PIEZO1: variants seen among roughly 807,000 people sequenced by gnomAD.
PIEZO1 encodes piezo type mechanosensitive ion channel component 1 (Er blood group).
PIEZO1 carries 296 observed loss-of-function variants against 297.2 expected under a neutral mutation model. The observed-to-expected ratio is 1.00, with a 90% confidence interval of 0.91 to 1.10. The LOEUF (loss-of-function observed/expected upper bound fraction) is 1.10. Among genes scored for constraint, PIEZO1 ranks in the 50% least tolerant of loss-of-function variants. The pLI, the probability that PIEZO1 is intolerant of heterozygous loss-of-function variation, is 0.00. For missense variants in PIEZO1, 5,018 were observed against 3,455.5 expected, an observed-to-expected ratio of 1.45 and a Z score of -11.34; for synonymous variants, 2,427 against 1,507.5, an observed-to-expected ratio of 1.61 and a Z score of -14.13.
At chr16:88,784,806 G>T in intron 1 of PIEZO1, 95 bp downstream of exon 1, 1 of 916,432 alleles carries the variant, frequency 1.1e-6, no homozygotes, top group Non-Finnish European at 1.5e-6. Flanking sequence ...CTCGCCCGCA[G>T]CCCTCGCCCC....
rs1188068265 is a variant in PIEZO1, at chr16:88,722,848, C to T, written c.4657G>A (p.Glu1553Lys). ...LRAERYLLTQ[E>K]LLQGGEVHRG... ...ACGGGCAGGCTCACCTGCAGGAGCTCCTGTGTGAGGAGGTAGCGCTCTGCC... is the reference window on the plus strand; with the variant it reads ...ACGGGCAGGCTCACCTGCAGGAGCTTCTGTGTGAGGAGGTAGCGCTCTGCC... Residue 1553 changes from glutamate (E) to lysine (K), a missense_variant, in exon 34 of 51, where the codon GAG becomes AAG. Physicochemically the swap from Glu to Lys is moderately conservative, Grantham distance 56. Coordinates refer to ENST00000301015, the MANE Select transcript of PIEZO1 (RefSeq NM_001142864.4). 6.5e-7 allele frequency: 1 copy of T among 1,546,578 alleles called. No individual in the cohort carries two copies. The highest frequency in any genetic ancestry group is 8.7e-7 in the Non-Finnish European group (1 of 1,146,686).
chr16:88,731,309 G>C (rs1289328445), intron 22 of PIEZO1: 1 of 242,116 alleles, frequency 4.1e-6, no homozygotes, highest in Non-Finnish European at 8.1e-6. Flanking sequence ...GGGACCACGG[G>C]TGTGGGGCTG....
At chr16:88,778,130 G>C (rs1302125103) in intron 1 of PIEZO1, among the ~76,000 whole-genome samples, 1 of 152,210 alleles carries the variant, frequency 6.6e-6, no homozygotes, top group African/African-American at 2.4e-5. Flanking sequence ...GCACTGCGGG[G>C]GTCCAGGACT....
chr16:88,748,610 G>A (rs1209669036), intron 2 of PIEZO1, among the ~76,000 whole-genome samples: 3 of 152,194 alleles, frequency 2.0e-5, no homozygotes, highest in South Asian at 2.1e-4. Context: ...GGCAGGAAAC[G>A]TGCCTGGAGC....
At chr16:88,721,486 G>A in intron 38 of PIEZO1, 52 bp downstream of exon 38, 6 of 1,538,620 alleles carry the variant, frequency 3.9e-6, no homozygotes, top group East Asian at 2.5e-5. Context: ...GAGAGCACAG[G>A]TGCCCAGAGG....
At chr16:88,722,483 G>A (rs1164209099) in intron 35 of PIEZO1, 86 bp from the exon 36 acceptor site, 23 of 1,428,844 alleles carry the variant, frequency 1.6e-5, no homozygotes, top group African/African-American at 4.3e-5. Flanking sequence ...AAGTGCCCAC[G>A]GTCCTTTGGG....
chr16:88,722,806 A>C, intron 34 of PIEZO1, 31 bp downstream of exon 34: 1 of 1,538,950 alleles, frequency 6.5e-7, no homozygotes, highest in African/African-American at 1.4e-5. Context: ...CAGGCAGAGC[A>C]GGGACGAGCG....
intron 1 of PIEZO1, among the ~76,000 whole-genome samples, chr16:88,768,022 C>T (rs1907251917): frequency 6.6e-6 from 1 of 152,330 alleles, no homozygotes; most frequent in African/African-American, 2.4e-5. Context: ...CAGAGGGGAC[C>T]CCGTGGACCA....
At chr16:88,781,520 A>T (rs138282078) in intron 1 of PIEZO1, among the ~76,000 whole-genome samples, 2 of 152,250 alleles carry the variant, frequency 1.3e-5, no homozygotes, top group Non-Finnish European at 2.9e-5. Context: ...CTCCAGGCCC[A>T]GCATGGGGAC....
intron 20 of PIEZO1, 25 bp downstream of exon 20, chr16:88,732,582 G>C (rs748909841): frequency 6.5e-7 from 1 of 1,543,532 alleles, no homozygotes. Flanking sequence ...CGCCCGCCCA[G>C]CCGCCCACCA....
At chr16:88,765,668 A>AT (rs397966717) in intron 1 of PIEZO1, among the ~76,000 whole-genome samples, 3,834 of 131,702 alleles carry the variant, frequency 0.029, 105 homozygotes, top group East Asian at 0.089. Context: ...GTTATCTCTA[A>AT]TTTTTTTTTT....
rs751571390 is a variant in PIEZO1 at position 88,749,081 on chromosome 16, CA to C, written c.160+302del. 1.3e-4 allele frequency among the ~76,000 whole-genome samples: 19 copies of C among 147,920 alleles called. 1 individual carries two copies. Among genetic ancestry groups the C allele is most frequent in the East Asian group, 2.0e-4 (1 of 5,008 alleles). On this transcript the variant is annotated intron_variant, in intron 2 of 50. Coordinates refer to ENST00000301015, the MANE Select transcript of PIEZO1 (RefSeq NM_001142864.4). Reference sequence around the variant, plus strand: ...TGAAACCCCGTCTCTACTAAAAATACAAAAAAAAATAAGCCAGGCGTGGTGG... The same window carrying C: ...TGAAACCCCGTCTCTACTAAAAATACAAAAAAAATAAGCCAGGCGTGGTGG...
intron 36 of PIEZO1, 28 bp downstream of exon 36, chr16:88,722,190 G>A (rs1904284352): frequency 6.5e-7 from 1 of 1,538,578 alleles, no homozygotes; most frequent in Non-Finnish European, 8.7e-7. Flanking sequence ...CCATGGTGAG[G>A]CTGGTGTTGT....
intron 1 of PIEZO1, among the ~76,000 whole-genome samples, chr16:88,750,006 G>T (rs1203953378): frequency 6.6e-6 from 1 of 151,766 alleles, no homozygotes; most frequent in African/African-American, 2.4e-5. Flanking sequence ...CTGGGCAACA[G>T]AGCAAGACTC....
chr16:88,750,319 G>C (rs1318677602), intron 1 of PIEZO1, among the ~76,000 whole-genome samples: 1 of 152,242 alleles, frequency 6.6e-6, no homozygotes, highest in South Asian at 2.1e-4. Context: ...CTGGGCGACA[G>C]AGCGAGACTC....
At chr16:88,748,078 G>A (rs966614880) in intron 2 of PIEZO1, among the ~76,000 whole-genome samples, 119 of 152,310 alleles carry the variant, frequency 7.8e-4, no homozygotes, top group African/African-American at 2.6e-3. Context: ...CCACAGTCAC[G>A]CCCCCTGGTC....
chr16:88,743,898 G>A (rs1905865197), intron 2 of PIEZO1: 1 of 308,924 alleles, frequency 3.2e-6, no homozygotes, highest in Admixed American at 4.3e-5. Flanking sequence ...AGGGAGAGTG[G>A]GAAGGAGGAA....
intron 12 of PIEZO1, 116 bp downstream of exon 12, chr16:88,736,032 G>A (rs1905189011): frequency 4.7e-6 from 5 of 1,056,936 alleles, no homozygotes; most frequent in East Asian, 2.6e-5. Context: ...GGGACAGACA[G>A]ACACATCTGC....
chr16:88,731,505 C>G, intron 22 of PIEZO1: 1 of 583,476 alleles, frequency 1.7e-6, no homozygotes, highest in Non-Finnish European at 3.1e-6. Context: ...AACAGCAGAG[C>G]CTGGAGGGGG....
Sources: allele counts gnomAD v4.1 joint callset (sites outside exome capture counted in the v4.1 genomes callset), GRCh38; gene constraint gnomAD v4.1.1; transcripts MANE v1.5; gene names NCBI Gene and HGNC (gene_info 2026-07-23, HGNC 2026-07-21).